The following RFX1 variants were observed in gnomAD, a reference collection of about 807,000 sequenced individuals.
The protein encoded by RFX1 is regulatory factor X1, also known as MHC class II regulatory factor RFX1.
In RFX1, 42 loss-of-function variants were observed where a neutral mutation model predicts 119.6. The ratio of observed to expected loss-of-function variants is 0.35; its 90% CI spans 0.27 to 0.45. RFX1 has a LOEUF of 0.45. RFX1 is among the 20% of genes least tolerant of loss of function. RFX1 has a pLI of 1.00. For missense variants in RFX1, 1,118 were observed against 1,368.1 expected (o/e 0.82, Z 2.88); for synonymous variants, 628 against 618.5 (o/e 1.02, Z -0.23).
chr19:13,966,540 A>G lies in RFX1; in HGVS notation c.1852-10T>C, dbSNP rs900446611. 4 of 1,554,966 alleles carry G rather than the reference A, an allele frequency of 2.6e-6. No homozygotes were observed. In the African/African-American group the frequency reaches 4.1e-5, roughly 16 times the overall value. ...TGACGTCGACAATGGCCTGTGGCAG[A>G]GGCGGATGCTCAGGGAGGCTGGGGG... On this transcript the variant is annotated splice_polypyrimidine_tract_variant and intron_variant, in intron 13 of 20. Transcript: ENST00000254325. This position sits in a 1 kb window ranked among gnomAD's most constrained non-coding sequence, Gnocchi z 6.3.
At position 13,962,641 on chromosome 19, in the gene RFX1, G is replaced by A; in HGVS notation, c.*54C>T. The A allele has an allele frequency of 7.2e-7, 1 of 1,388,792 alleles. No individual in the cohort carries two copies. Among genetic ancestry groups the A allele is most frequent in the African/African-American group, 1.5e-5 (1 of 66,520 alleles). The allele number at this position is 1,388,792 out of a possible 1,614,324, so 86.0% of individuals were successfully genotyped here. On this transcript the variant is annotated 3_prime_UTR_variant, in exon 21 of 21. Transcript: ENST00000254325. The stretch of plus-strand genomic sequence containing the variant: ...GACCACGAAGCCACAGAAGCTTTGA[G>A]GGACCCTGGCGTGGAGGGGTGGCGG...
At chr19:13,987,028 T>C (rs978851607) in intron 2 of RFX1, among the ~76,000 whole-genome samples, 2 of 152,170 alleles carry the variant, frequency 1.3e-5, no homozygotes, top group Non-Finnish European at 2.9e-5. Flanking sequence ...CCATCTGTGC[T>C]TGGGAATGCT....
rs531395951 is a variant in RFX1, at chr19:13,980,992, T to C, written c.622-303A>G. Among the ~76,000 whole-genome samples, 23 of 152,330 alleles carry C rather than the reference T, an allele frequency of 1.5e-4. No homozygotes were observed. Among genetic ancestry groups the C allele is most frequent in the Admixed American group, 1.3e-3 (20 of 15,306 alleles). On this transcript the variant is annotated intron_variant, in intron 5 of 20. Transcript: ENST00000254325. This position sits in a 1 kb window ranked among gnomAD's most constrained non-coding sequence, Gnocchi z 5.1. ...TCCTGGGGCTGACCCTCAAAGGTTA[T>C]AGCAATGACGACAGCAGCCTCTGGT...
chr19:13,962,692 G>T lies in RFX1; in HGVS notation c.*3C>A. 2.0e-6 allele frequency: 3 copies of T among 1,524,654 alleles called. No homozygotes were observed. The highest frequency in any genetic ancestry group is 1.4e-5 in the African/African-American group (1 of 72,272). 94.4% of individuals were successfully genotyped at this position (1,524,654 alleles called of 1,614,324 possible). ...GGGCGGGTGGGGCGGGGAGGCCAAG[G>T]GCTTAGCTGGAGGGCAGCGCCTGCA... On this transcript the variant is annotated 3_prime_UTR_variant, in exon 21 of 21. Transcript: ENST00000254325.
In RFX1 at chr19:13,969,196, A is replaced by G. The variant is rs1479016119; in HGVS notation, c.1497-302T>C. Among the ~76,000 whole-genome samples, 1 of 152,118 alleles carries G rather than the reference A, an allele frequency of 6.6e-6. No individual in the cohort carries two copies. Among genetic ancestry groups the G allele is most frequent in the Non-Finnish European group, 1.5e-5 (1 of 68,002 alleles). On this transcript the variant is annotated intron_variant, in intron 10 of 20. Coordinates refer to ENST00000254325, the MANE Select transcript of RFX1 (RefSeq NM_002918.5). The surrounding 1 kb of genome is among the most constrained non-coding windows in gnomAD (Gnocchi z 4.5). ...CGGAGGTGAGCCATGGGGGTTGCAA[A>G]GGAGAGGAAGAGAGGGGCGGGTTCT...
chr19:13,964,423 A>G (rs1973828211), intron 16 of RFX1, among the ~76,000 whole-genome samples: 1 of 150,682 alleles, frequency 6.6e-6, no homozygotes, highest in Non-Finnish European at 1.5e-5. Context: ...AACACAATAG[A>G]TAATATGGAG....
chr19:13,968,040 G>C lies in RFX1; in HGVS notation c.1732+525C>G, dbSNP rs1973960551. 6.6e-6 allele frequency among the ~76,000 whole-genome samples: 1 copy of C among 152,056 alleles called. No individual in the cohort carries two copies. The highest frequency in any genetic ancestry group is 2.1e-4 in the South Asian group (1 of 4,820). ...AGGCCAAGGTGGGAGGATCACTTCA[G>C]GTCAGGAGTTCGAGACCAGCCTAGC... On this transcript the variant is annotated intron_variant, in intron 12 of 20. Transcript: ENST00000254325. The surrounding 1 kb of genome is among the most constrained non-coding windows in gnomAD (Gnocchi z 5.5).
chr19:13,969,171 C>T lies in RFX1; in HGVS notation c.1497-277G>A, dbSNP rs1208814514. Among the ~76,000 whole-genome samples the T allele has an allele frequency of 1.3e-5, 2 of 151,976 alleles. No homozygotes were observed. Among genetic ancestry groups the T allele is most frequent in the Non-Finnish European group, 2.9e-5 (2 of 67,998 alleles). The stretch of plus-strand genomic sequence containing the variant: ...CTGGGAATGGGAACCGAGACGTGAG[C>T]GGAGGTGAGCCATGGGGGTTGCAAA... On this transcript the variant is annotated intron_variant, in intron 10 of 20. Coordinates refer to ENST00000254325, the MANE Select transcript of RFX1 (RefSeq NM_002918.5). The surrounding 1 kb of genome is among the most constrained non-coding windows in gnomAD (Gnocchi z 4.5).
intron 7 of RFX1, among the ~76,000 whole-genome samples, chr19:13,978,694 T>C (rs186447635): frequency 0.064 from 9,724 of 151,950 alleles, 1,060 homozygotes; most frequent in African/African-American, 0.22. Flanking sequence ...CGGCCCAGAC[T>C]GGGCGCCCCC....
At chr19:13,983,124 AG>A in intron 4 of RFX1, 62 bp downstream of exon 4, 1 of 1,241,136 alleles carries the variant, frequency 8.1e-7, no homozygotes, top group Non-Finnish European at 1.1e-6. Context: ...GGCTTGCCAC[AG>A]GGGGTTGGTC....
chr19:13,963,737 A>G lies in RFX1; in HGVS notation c.2371T>C (p.Ser791Pro). ...CGGTCCTCGCAGCGGCACACCCACG[A>G]GGCCTGCTCCTGGGGCACAGAGGGT... ...VDFANVQEQA[S>P]WVCRCEDRVV... is the part of the protein sequence containing the mutation. Residue 791 changes from serine to proline, a missense_variant, in exon 18 of 21, where the codon TCG (serine) becomes CCG (proline). This residue lies in a region of RFX1 where 338 missense variants were observed against 508.9 expected (regional missense o/e 0.66). Coordinates refer to ENST00000254325, the MANE Select transcript of RFX1 (RefSeq NM_002918.5). 1 of 1,589,032 alleles carries G rather than the reference A, an allele frequency of 6.3e-7. No homozygotes were observed. The highest frequency in any genetic ancestry group is 8.6e-7 in the Non-Finnish European group (1 of 1,169,472).
At chr19:13,962,931 G>A (rs927410874) in intron 20 of RFX1, 63 bp downstream of exon 20, 1 of 1,546,254 alleles carries the variant, frequency 6.5e-7, no homozygotes, top group Non-Finnish European at 8.7e-7. Context: ...TCCTCCTCCC[G>A]AGCCCCTCCG....
rs1357613142 is a variant in RFX1 at position 13,965,121 on chromosome 19, ATC to A, written c.2211+326_2211+327del. ...GTTGTTGCCTTTCTTAAAAAGTTTT[ATC>A]TGTTTCTGCACACCTGAAGCACTTT... On this transcript the variant is annotated intron_variant, in intron 16 of 20. Transcript: ENST00000254325. The surrounding 1 kb of genome is among the most constrained non-coding windows in gnomAD (Gnocchi z 4.7). 1.3e-5 allele frequency among the ~76,000 whole-genome samples: 2 copies of A among 152,186 alleles called. No homozygotes were observed. Among genetic ancestry groups the A allele is most frequent in the Non-Finnish European group, 2.9e-5 (2 of 68,040 alleles).
At chr19:13,993,465 G>T (rs924962750) in intron 2 of RFX1, 60 bp downstream of exon 2, 32 of 1,526,430 alleles carry the variant, frequency 2.1e-5, no homozygotes, top group Non-Finnish European at 2.9e-5. Context: ...CACACCCAGG[G>T]TCTAGGCTAT....
chr19:13,976,894 T>G (rs780697862), intron 8 of RFX1, among the ~76,000 whole-genome samples: 1 of 151,834 alleles, frequency 6.6e-6, no homozygotes, highest in East Asian at 1.9e-4. Flanking sequence ...TCCCAGCTAC[T>G]AGGGAGGCTG....
At position 13,963,185 on chromosome 19, in the gene RFX1, G is replaced by A. The variant is rs1005618253; in HGVS notation, c.2661C>T (p.Tyr887=). Residue 887 remains tyrosine (Y), a synonymous_variant, in exon 19 of 21, where the codon TAC becomes TAT. Coordinates refer to ENST00000254325, the MANE Select transcript of RFX1 (RefSeq NM_002918.5). ...LIRLLYDEYM[Y]YLIEHRVAQA... ...GGGCTACGCGGTGCTCGATCAGGTA[G>A]TACATGTACTCGTCGTAGAGCAGCC... The A allele has an allele frequency of 6.2e-7, 1 of 1,612,642 alleles. No homozygotes were observed. Among genetic ancestry groups the A allele is most frequent in the Non-Finnish European group, 8.5e-7 (1 of 1,179,460 alleles).
intron 2 of RFX1, among the ~76,000 whole-genome samples, chr19:13,989,175 C>T (rs73925703): frequency 0.02 from 3,101 of 151,752 alleles, 106 homozygotes; most frequent in African/African-American, 0.071. Context: ...CAGAGGGTAC[C>T]GAGAGTGCAA....
intron 8 of RFX1, among the ~76,000 whole-genome samples, chr19:13,974,508 T>C (rs1197126807): frequency 2.0e-5 from 3 of 152,086 alleles, no homozygotes; most frequent in Non-Finnish European, 4.4e-5. Context: ...AGGCAAGGCT[T>C]GTCGTCCCCC....
intron 8 of RFX1, among the ~76,000 whole-genome samples, chr19:13,975,591 C>T (rs1225785788): frequency 6.6e-6 from 1 of 152,188 alleles, no homozygotes; most frequent in East Asian, 1.9e-4. Flanking sequence ...GTCTACCACA[C>T]AAAGTGACAC....
Sources: gnomAD v4.1 joint callset for allele counts (sites outside exome capture counted in the v4.1 genomes callset) on GRCh38, gnomAD v4.1.1 for gene constraint, gnomAD v4.1.1 regional missense constraint, Gnocchi (gnomAD v3.1) non-coding constraint, MANE v1.5 for transcripts, NCBI Gene and HGNC (gene_info 2026-07-23, HGNC 2026-07-21) for gene names.